ZDHHC2: variants seen among roughly 807,000 people sequenced by gnomAD.
ZDHHC2 encodes the protein palmitoyltransferase ZDHHC2.
A neutral mutation model predicts 55.6 loss-of-function variants in ZDHHC2; 51 were observed. The ratio of observed to expected loss-of-function variants is 0.92; its 90% CI spans 0.73 to 1.16. The LOEUF is 1.16. Ranked by LOEUF, ZDHHC2 falls within the 50% of genes most tolerant of loss-of-function variation. The pLI is 0.00. For missense variants in ZDHHC2, 491 were observed against 442.4 expected (o/e 1.11, Z -0.99); for synonymous variants, 199 against 152.9 (o/e 1.30, Z -2.22).
chr8:17,204,858 CAAAA>C (rs1426914348), intron 6 of ZDHHC2, among the ~76,000 whole-genome samples: 2 of 151,706 alleles, frequency 1.3e-5, no homozygotes, highest in Non-Finnish European at 1.5e-5. Context: ...AAAATCTTAA[CAAAA>C]AGAAAGTGAG....
chr8:17,183,932 G>T (rs1259166603), intron 1 of ZDHHC2, among the ~76,000 whole-genome samples: 5 of 152,088 alleles, frequency 3.3e-5, no homozygotes, highest in Admixed American at 6.5e-5. Flanking sequence ...ACTACCCTCT[G>T]GTTCCAGGCT....
chr8:17,212,411 T>C (rs1807430137), intron 10 of ZDHHC2, among the ~76,000 whole-genome samples: 1 of 152,204 alleles, frequency 6.6e-6, no homozygotes, highest in Non-Finnish European at 1.5e-5. Context: ...TTATCAGTAT[T>C]AGTGACCTCC....
At chr8:17,199,562 T>A (rs1296167095) in intron 6 of ZDHHC2, among the ~76,000 whole-genome samples, 5 of 80,672 alleles carry the variant, frequency 6.2e-5, no homozygotes, top group Admixed American at 5.1e-4. Context: ...CGTCTTCGTC[T>A]TCTTCGTCTT....
chr8:17,217,405 G>C (rs576949555), intron 12 of ZDHHC2, among the ~76,000 whole-genome samples, 159 bp downstream of exon 12: 1 of 152,194 alleles, frequency 6.6e-6, no homozygotes, highest in Non-Finnish European at 1.5e-5. Flanking sequence ...TGGGGCTTCT[G>C]AGTGCAGACC....
chr8:17,157,442 G>A (rs2150870432), intron 1 of ZDHHC2: 1 of 152,498 alleles, frequency 6.6e-6, no homozygotes, highest in South Asian at 2.1e-4. Context: ...GTATTTTTGA[G>A]GACATGTGCA....
intron 1 of ZDHHC2, among the ~76,000 whole-genome samples, chr8:17,165,079 A>G (rs1253250267): frequency 6.6e-6 from 1 of 152,168 alleles, no homozygotes. Flanking sequence ...CGTTGGAAGT[A>G]TTTTGGTAGG....
chr8:17,164,175 T>G (rs1054310372), intron 1 of ZDHHC2, among the ~76,000 whole-genome samples: 21 of 152,210 alleles, frequency 1.4e-4, no homozygotes, highest in African/African-American at 5.1e-4. Flanking sequence ...TTATGTAGCA[T>G]TTTTCCTAAT....
chr8:17,198,123 A>G (rs1226714763), intron 5 of ZDHHC2, among the ~76,000 whole-genome samples: 1 of 152,110 alleles, frequency 6.6e-6, no homozygotes, highest in African/African-American at 2.4e-5. Context: ...TTAATACATT[A>G]TATTGTTTTT....
At chr8:17,217,131 C>A in intron 11 of ZDHHC2, 41 bp from the exon 12 acceptor site, 1 of 1,601,036 alleles carries the variant, frequency 6.2e-7, no homozygotes, top group Non-Finnish European at 8.5e-7. Context: ...CCTATTTGTT[C>A]AAAAGCAACC....
At chr8:17,186,922 G>A (rs1395891840) in intron 3 of ZDHHC2, among the ~76,000 whole-genome samples, 1 of 152,078 alleles carries the variant, frequency 6.6e-6, no homozygotes, top group African/African-American at 2.4e-5. Flanking sequence ...CATTTCCAAG[G>A]TCCCCTCTTG....
chr8:17,194,698 A>C (rs866771551), intron 3 of ZDHHC2, among the ~76,000 whole-genome samples: 1 of 152,140 alleles, frequency 6.6e-6, no homozygotes, highest in Non-Finnish European at 1.5e-5. Context: ...TTCCTTTGCT[A>C]TACACAGCTA....
chr8:17,204,534 C>G (rs900373185), intron 6 of ZDHHC2, among the ~76,000 whole-genome samples: 1 of 152,154 alleles, frequency 6.6e-6, no homozygotes. Flanking sequence ...GTGCCCTTGT[C>G]TTTATGAAAA....
chr8:17,161,597 C>T (rs935203797), intron 1 of ZDHHC2, among the ~76,000 whole-genome samples: 19 of 152,314 alleles, frequency 1.2e-4, no homozygotes, highest in African/African-American at 4.6e-4. Flanking sequence ...GTGGCTCACC[C>T]TTGTAATCCC....
At chr8:17,200,382 C>A (rs1437392855) in intron 6 of ZDHHC2, among the ~76,000 whole-genome samples, 1 of 152,242 alleles carries the variant, frequency 6.6e-6, no homozygotes, top group African/African-American at 2.4e-5. Context: ...TGAACTGCAT[C>A]CAAGTTCTTG....
chr8:17,182,643 A>G (rs190209548), intron 1 of ZDHHC2, among the ~76,000 whole-genome samples: 69 of 150,514 alleles, frequency 4.6e-4, no homozygotes, highest in Middle Eastern at 3.6e-3. Context: ...GCAAACTGTG[A>G]ATGGCAATAA....
chr8:17,181,383 T>C (rs1805425525), intron 1 of ZDHHC2, among the ~76,000 whole-genome samples: 1 of 152,188 alleles, frequency 6.6e-6, no homozygotes, highest in African/African-American at 2.4e-5. Context: ...AAATTGAAAA[T>C]AAAAGAATTT....
At chr8:17,163,208 G>T (rs1039089392) in intron 1 of ZDHHC2, among the ~76,000 whole-genome samples, 5 of 152,192 alleles carry the variant, frequency 3.3e-5, no homozygotes, top group African/African-American at 1.2e-4. Flanking sequence ...AACAGCCTTT[G>T]GAAAGAGCTG....
At chr8:17,193,029 G>A (rs1039109865) in intron 3 of ZDHHC2, among the ~76,000 whole-genome samples, 53 of 152,056 alleles carry the variant, frequency 3.5e-4, no homozygotes, top group African/African-American at 9.2e-4. Flanking sequence ...CTAGTCTTAC[G>A]CCAGTACCGT....
At chr8:17,178,012 GT>G (rs1486594834) in intron 1 of ZDHHC2, among the ~76,000 whole-genome samples, 2 of 152,086 alleles carry the variant, frequency 1.3e-5, no homozygotes, top group Non-Finnish European at 2.9e-5. Flanking sequence ...AAATCACATT[GT>G]TTTAGAAACA....
Sources: allele counts gnomAD v4.1 joint callset (sites outside exome capture counted in the v4.1 genomes callset), GRCh38; gene constraint gnomAD v4.1.1; transcripts MANE v1.5; gene names NCBI Gene and HGNC (gene_info 2026-07-23, HGNC 2026-07-21).